TNK2: variants seen among roughly 807,000 people sequenced by gnomAD.
The protein encoded by TNK2 is activated CDC42 kinase 1.
Under a neutral mutation model 101.8 loss-of-function variants are expected in TNK2, and 83 were observed. The ratio of observed to expected loss-of-function variants is 0.82; its 90% CI spans 0.68 to 0.98. The LOEUF (loss-of-function observed/expected upper bound fraction) is 0.98, where lower values mean the gene tolerates loss of function less well. TNK2 is among the 50% of genes least tolerant of loss of function. The pLI is 0.00. For missense variants in TNK2, 1,665 were observed against 1,483.2 expected, an observed-to-expected ratio of 1.12 and a Z score of -2.01; for synonymous variants, 804 against 633.0, an observed-to-expected ratio of 1.27 and a Z score of -4.06.
intron 1 of TNK2, among the ~76,000 whole-genome samples, chr3:195,907,874 A>G (rs1761900703): frequency 6.6e-6 from 1 of 152,122 alleles, no homozygotes; most frequent in African/African-American, 2.4e-5. Flanking sequence ...CCCAGAGACG[A>G]GAGGGCTCAC....
At position 195,868,135 on chromosome 3, in the gene TNK2, G is replaced by A. The variant is rs761863250; in HGVS notation, c.2163C>T (p.Ile721=). 5.0e-6 allele frequency: 8 copies of A among 1,611,706 alleles called. No individual in the cohort carries two copies. Among genetic ancestry groups the A allele is most frequent in the Admixed American group, 1.7e-5 (1 of 59,898 alleles). ...KPPSSAQTAE[I]FQALQQECMR... is the part of the protein sequence containing the mutation. The stretch of plus-strand genomic sequence containing the variant: ...TGCACTCCTGCTGTAGCGCCTGGAA[G>A]ATCTCTGCGGTCTGTGCGGAGCTGG... The change falls in exon 13 of 16, where the codon ATC becomes ATT. Residue 721 remains isoleucine (I), a synonymous_variant. Transcript: ENST00000672887.
At chr3:195,900,569 C>T (rs1761100213) in intron 1 of TNK2, among the ~76,000 whole-genome samples, 1 of 152,226 alleles carries the variant, frequency 6.6e-6, no homozygotes, top group Admixed American at 6.5e-5. Flanking sequence ...AGAGACAGTA[C>T]ACTGAGGGCC....
chr3:195,865,767 C>G (rs577228544), intron 15 of TNK2, among the ~76,000 whole-genome samples: 1 of 151,332 alleles, frequency 6.6e-6, no homozygotes, highest in Admixed American at 6.6e-5. Flanking sequence ...CAGTAAGAAC[C>G]ACCCGAGACA....
intron 1 of TNK2, among the ~76,000 whole-genome samples, chr3:195,889,372 G>A (rs527384425): frequency 1.7e-4 from 26 of 152,236 alleles, no homozygotes; most frequent in African/African-American, 6.3e-4. Flanking sequence ...TTAAAGTTTG[G>A]AAAAGGTAAT....
chr3:195,882,650 G>A lies in TNK2; in HGVS notation c.610-322C>T, dbSNP rs1753710391. ...AGGTGGGTGGATCATTTGAGGTCAGGAGTTTGAGACCAGCCTGGCCAACAT... is the reference window on the plus strand; with the variant it reads ...AGGTGGGTGGATCATTTGAGGTCAGAAGTTTGAGACCAGCCTGGCCAACAT... On this transcript the variant is annotated intron_variant, in intron 5 of 15. Transcript: ENST00000672887. The surrounding 1 kb of genome is among the most constrained non-coding windows in gnomAD (Gnocchi z 4.2). 1 of 747,832 alleles carries A rather than the reference G, an allele frequency of 1.3e-6. No homozygotes were observed. Among genetic ancestry groups the A allele is most frequent in the Non-Finnish European group, 2.0e-6 (1 of 489,124 alleles). 46.3% of individuals were successfully genotyped at this position (747,832 alleles called of 1,614,324 possible).
In TNK2 at chr3:195,878,468, G is replaced by A; in HGVS notation, c.1139C>T (p.Ala380Val). Residue 380 changes from alanine to valine, a missense_variant, in exon 8 of 16, where the codon GCC becomes GTC. Around this residue, in one of 3 missense-constraint regions of TNK2, gnomAD observed 39 missense variants for 65.8 expected, o/e 0.59. Coordinates refer to ENST00000672887, the MANE Select transcript of TNK2 (RefSeq NM_001382273.1). The surrounding 1 kb of genome is among the most constrained non-coding windows in gnomAD (Gnocchi z 4.7). ...CACCTCCAGCAGGAAGTCCCGCAGG[G>A]CCACAAACGTGGGTCTGTCCTCTGG... ...HKPEDRPTFVALRDFLLEAQP... is the reference protein window; with the variant it reads ...HKPEDRPTFVVLRDFLLEAQP... The A allele has an allele frequency of 6.2e-7, 1 of 1,613,988 alleles. No homozygotes were observed. The highest frequency in any genetic ancestry group is 8.5e-7 in the Non-Finnish European group (1 of 1,180,036).
intron 1 of TNK2, chr3:195,892,461 G>A (rs1275742674): frequency 1.3e-6 from 2 of 1,535,600 alleles, no homozygotes; most frequent in Non-Finnish European, 1.7e-6. Context: ...GAGAGCTCCA[G>A]GCCAGGGAAC....
intron 9 of TNK2, among the ~76,000 whole-genome samples, chr3:195,877,039 G>T (rs948428089): frequency 1.3e-5 from 2 of 152,164 alleles, no homozygotes; most frequent in Non-Finnish European, 2.9e-5. Context: ...GCTGGACTTC[G>T]GGCTGGAGGC....
intron 15 of TNK2, 84 bp from the exon 16 acceptor site, chr3:195,864,271 G>A (rs1739061095): frequency 6.5e-7 from 1 of 1,533,170 alleles, no homozygotes; most frequent in South Asian, 1.1e-5. Flanking sequence ...ACTGGTGCCA[G>A]GCAACACCAC....
chr3:195,891,662 C>A (rs537309974), intron 1 of TNK2, among the ~76,000 whole-genome samples: 1 of 152,276 alleles, frequency 6.6e-6, no homozygotes, highest in Admixed American at 6.5e-5. Context: ...AGTGACCCCC[C>A]CCCTCCAGGG....
chr3:195,879,086 T>C lies in TNK2; in HGVS notation c.977A>G (p.Tyr326Cys), dbSNP rs774784617. 1.9e-6 allele frequency: 3 copies of C among 1,613,646 alleles called. No individual in the cohort carries two copies. The highest frequency in any genetic ancestry group is 2.5e-6 in the Non-Finnish European group (3 of 1,179,964). The change falls in exon 7 of 16, where the codon TAC becomes TGC. Residue 326 changes from tyrosine to cysteine, a missense_variant. Physicochemically the swap from Tyr to Cys is radical, Grantham distance 194. Around this residue, in one of 3 missense-constraint regions of TNK2, gnomAD observed 490 missense variants for 522.5 expected, o/e 0.94. Transcript: ENST00000672887. ...GAGGCCGATCCAGGGCTCCTGGCCG[T>C]AGGTGAACATTTCCCACAGTGTCAC... ...FGVTLWEMFT[Y>C]GQEPWIGLNG...
intron 12 of TNK2, chr3:195,869,166 A>G (rs1384068254): frequency 1.5e-5 from 8 of 548,582 alleles, no homozygotes; most frequent in African/African-American, 3.8e-5. Flanking sequence ...ACCAACGGCC[A>G]CAAAGCCCAG....
chr3:195,867,778 G>T lies in TNK2; in HGVS notation c.2520C>A (p.Pro840=). Residue 840 remains proline (P), a synonymous_variant, in exon 13 of 16, where the codon CCC becomes CCA. Transcript: ENST00000672887. ...GGATCACCTGGGGGGTGGCGTACTTGGGGTCTGAGGCAAAGCTCTGGGTGG... is the reference window on the plus strand; with the variant it reads ...GGATCACCTGGGGGGTGGCGTACTTTGGGTCTGAGGCAAAGCTCTGGGTGG... ...MPTTQSFASD[P]KYATPQVIQA... 6.3e-7 allele frequency: 1 copy of T among 1,580,950 alleles called. No individual in the cohort carries two copies.
chr3:195,892,419 G>A (rs754246444), intron 1 of TNK2: 130 of 1,534,900 alleles, frequency 8.5e-5, no homozygotes, highest in Non-Finnish European at 1.1e-4. Context: ...ACTGTGTACA[G>A]GCGTCGCCGC....
At chr3:195,880,617 AC>A (rs1301650117) in intron 6 of TNK2, among the ~76,000 whole-genome samples, 1 of 30,456 alleles carries the variant, frequency 3.3e-5, no homozygotes, top group Admixed American at 4.0e-4. Context: ...TCCCTGTAAC[AC>A]CCCCCCAGCA....
chr3:195,882,239 A>G lies in TNK2; in HGVS notation c.699T>C (p.Ala233=). The G allele has an allele frequency of 1.2e-6, 2 of 1,613,784 alleles. No homozygotes were observed. The highest frequency in any genetic ancestry group is 1.7e-5 in the Admixed American group (1 of 60,014). Residue 233 remains alanine, a synonymous_variant, in exon 6 of 16, where the codon GCT becomes GCC. Transcript: ENST00000672887. This position sits in a 1 kb window ranked among gnomAD's most constrained non-coding sequence, Gnocchi z 4.2. ...AGCCCATGCCCTCAGCCACCTGCAC[A>G]GCGTAGCGGCTCAGAGTCCCCAGGA... is the stretch of plus-strand genomic sequence containing the variant. ...HFLLGTLSRY[A]VQVAEGMGYL... is the part of the protein sequence containing the mutation.
chr3:195,872,145 G>C (rs981139413), intron 10 of TNK2, 131 bp downstream of exon 10: 14 of 1,035,248 alleles, frequency 1.4e-5, no homozygotes, highest in Non-Finnish European at 2.0e-5. Flanking sequence ...GGTGAGGAGG[G>C]GAGAGTGGCG....
intron 12 of TNK2, 112 bp downstream of exon 12, chr3:195,869,385 A>AGCCCC: frequency 1.1e-6 from 1 of 893,000 alleles, no homozygotes; most frequent in Non-Finnish European, 1.8e-6. Flanking sequence ...CACAGCACAC[A>AGCCCC]CCCACCCACC....
chr3:195,887,072 T>C, intron 2 of TNK2, 25 bp from the exon 3 acceptor site: 1 of 1,592,536 alleles, frequency 6.3e-7, no homozygotes, highest in Middle Eastern at 1.7e-4. Flanking sequence ...GGGAACCGCG[T>C]GCTGTGAAGG....
Sources: allele counts gnomAD v4.1 joint callset (sites outside exome capture counted in the v4.1 genomes callset), GRCh38; gene constraint gnomAD v4.1.1; regional missense constraint gnomAD v4.1.1; non-coding constraint Gnocchi (gnomAD v3.1); transcripts MANE v1.5; gene names NCBI Gene and HGNC (gene_info 2026-07-23, HGNC 2026-07-21).